The following GUCY1A2 variants were observed in gnomAD, a reference collection of about 807,000 sequenced individuals.
The protein encoded by GUCY1A2 is guanylate cyclase soluble subunit alpha-2.
GUCY1A2 carries 27 observed loss-of-function variants against 63.5 expected under a neutral mutation model. That is an observed-to-expected ratio of 0.43 (90% confidence interval 0.31 to 0.59). The LOEUF is 0.59. GUCY1A2 is among the 20% of genes least tolerant of loss of function. The pLI is 0.11. For missense variants in GUCY1A2, 768 were observed against 913.3 expected (o/e 0.84, Z 2.05); for synonymous variants, 364 against 343.5 (o/e 1.06, Z -0.66).
At chr11:106,980,607 G>T (rs1407091551) in intron 2 of GUCY1A2, among the ~76,000 whole-genome samples, 1 of 152,174 alleles carries the variant, frequency 6.6e-6, no homozygotes, top group Non-Finnish European at 1.5e-5. Context: ...GACTAGATAT[G>T]AGAGTAAAAA....
chr11:106,901,946 G>A (rs769086813), intron 4 of GUCY1A2, among the ~76,000 whole-genome samples: 1 of 152,042 alleles, frequency 6.6e-6, no homozygotes, highest in East Asian at 1.9e-4. Flanking sequence ...GCAATAACAT[G>A]TATATTTATT....
At chr11:106,914,920 T>C (rs904929159) in intron 4 of GUCY1A2, among the ~76,000 whole-genome samples, 11 of 152,040 alleles carry the variant, frequency 7.2e-5, no homozygotes, top group Admixed American at 3.3e-4. Context: ...TTTTCTTGGA[T>C]CAGACAATGC....
intron 6 of GUCY1A2, among the ~76,000 whole-genome samples, chr11:106,732,684 A>C (rs1049784894): frequency 2.6e-5 from 4 of 152,176 alleles, no homozygotes; most frequent in Non-Finnish European, 5.9e-5. Flanking sequence ...CCATTAGGAG[A>C]GCAAGAAATT....
intron 3 of GUCY1A2, among the ~76,000 whole-genome samples, chr11:106,966,497 C>T (rs72994149): frequency 0.16 from 24,253 of 152,118 alleles, 2,029 homozygotes; most frequent in African/African-American, 0.17. Context: ...TGGCTGCCCA[C>T]TTGCTGTTTT....
chr11:106,885,523 T>C lies in GUCY1A2; in HGVS notation c.1206+53937A>G, dbSNP rs537451083. Reference sequence around the variant, plus strand: ...TAGCATACATTCATTCAAATTAAAATACAAATTATTTTCTAATTATCCTCT... The same window carrying C: ...TAGCATACATTCATTCAAATTAAAACACAAATTATTTTCTAATTATCCTCT... On this transcript the variant is annotated intron_variant, in intron 4 of 7. Transcript: ENST00000526355. 2.5e-4 allele frequency among the ~76,000 whole-genome samples: 38 copies of C among 152,270 alleles called. 3 individuals are homozygous for C. The South Asian group carries it at 7.5e-3, about 30-fold the overall frequency.
At chr11:107,015,930 A>C (rs1861817166) in intron 1 of GUCY1A2, among the ~76,000 whole-genome samples, 1 of 152,208 alleles carries the variant, frequency 6.6e-6, no homozygotes, top group Non-Finnish European at 1.5e-5. Flanking sequence ...CAAATACGAA[A>C]ATACACAAGA....
chr11:106,716,819 T>C (rs931045482), intron 6 of GUCY1A2, among the ~76,000 whole-genome samples: 37 of 141,534 alleles, frequency 2.6e-4, no homozygotes, highest in African/African-American at 7.6e-4. Context: ...TCAGGAATTA[T>C]AAGAGAGCTA....
intron 4 of GUCY1A2, among the ~76,000 whole-genome samples, chr11:106,839,637 A>C (rs1859168398): frequency 6.6e-6 from 1 of 152,028 alleles, no homozygotes. Flanking sequence ...AGACTGGATT[A>C]AGAAAATGTG....
At chr11:106,955,706 C>T (rs1321689312) in intron 3 of GUCY1A2, among the ~76,000 whole-genome samples, 4 of 152,132 alleles carry the variant, frequency 2.6e-5, no homozygotes, top group African/African-American at 9.7e-5. Context: ...GTGACCTGGC[C>T]TTTCTCTCTG....
rs113885830 is a variant in GUCY1A2, at chr11:106,954,391, T to A, written c.488-14213A>T. On this transcript the variant is annotated intron_variant, in intron 3 of 7. Coordinates refer to ENST00000526355, the MANE Select transcript of GUCY1A2 (RefSeq NM_000855.3). Reference sequence around the variant, plus strand: ...GTCCAAGAAACTGTTACGATTTCAGTTCTTTTGCATTTGCTGAGGAGTATT... The same window carrying A: ...GTCCAAGAAACTGTTACGATTTCAGATCTTTTGCATTTGCTGAGGAGTATT... 4.9e-3 allele frequency among the ~76,000 whole-genome samples: 748 copies of A among 152,306 alleles called. 8 individuals are homozygous for A. Among genetic ancestry groups the A allele is most frequent in the African/African-American group, 0.017 (710 of 41,556 alleles).
chr11:106,818,322 T>A lies in GUCY1A2; in HGVS notation c.1207-7844A>T, dbSNP rs186688882. Reference sequence around the variant, plus strand: ...CAATTCTCATAATATTTCAAGCTCTTTCATTATTATATGTGTTATGGTAAC... The same window carrying A: ...CAATTCTCATAATATTTCAAGCTCTATCATTATTATATGTGTTATGGTAAC... On this transcript the variant is annotated intron_variant, in intron 4 of 7. Transcript: ENST00000526355. Among the ~76,000 whole-genome samples the A allele has an allele frequency of 1.8e-3, 267 of 152,294 alleles. 1 individual carries two copies. Among genetic ancestry groups the A allele is most frequent in the Non-Finnish European group, 2.8e-3 (191 of 68,014 alleles).
intron 6 of GUCY1A2, among the ~76,000 whole-genome samples, chr11:106,767,053 G>A (rs1339852078): frequency 6.6e-6 from 1 of 152,088 alleles, no homozygotes; most frequent in Non-Finnish European, 1.5e-5. Flanking sequence ...AAATAAAAAT[G>A]AGTGACTTTG....
At chr11:106,818,395 C>T (rs1858858796) in intron 4 of GUCY1A2, among the ~76,000 whole-genome samples, 1 of 152,084 alleles carries the variant, frequency 6.6e-6, no homozygotes, top group South Asian at 2.1e-4. Flanking sequence ...TTTTGGGGCA[C>T]CACAAACCAC....
intron 4 of GUCY1A2, among the ~76,000 whole-genome samples, chr11:106,853,021 T>G (rs193067826): frequency 4.5e-4 from 68 of 152,358 alleles, no homozygotes; most frequent in African/African-American, 1.6e-3. Context: ...GTTAGTCTGA[T>G]ATGGCTTCCC....
chr11:106,743,324 T>C (rs936288991), intron 6 of GUCY1A2, among the ~76,000 whole-genome samples: 1 of 152,176 alleles, frequency 6.6e-6, no homozygotes, highest in Admixed American at 6.5e-5. Context: ...ACAATGGTTC[T>C]AACAAAAATG....
intron 1 of GUCY1A2, among the ~76,000 whole-genome samples, chr11:106,987,511 G>A (rs1861417349): frequency 6.6e-6 from 1 of 152,124 alleles, no homozygotes; most frequent in Admixed American, 6.5e-5. Flanking sequence ...AATTAGGCGA[G>A]CATGGTGGTA....
intron 4 of GUCY1A2, among the ~76,000 whole-genome samples, chr11:106,870,301 T>TA (rs1209429415): frequency 6.6e-6 from 1 of 152,026 alleles, no homozygotes; most frequent in East Asian, 1.9e-4. Flanking sequence ...AGGTGCAACT[T>TA]AGTTTCAGCA....
At chr11:106,818,293 T>C (rs1858857206) in intron 4 of GUCY1A2, among the ~76,000 whole-genome samples, 1 of 152,198 alleles carries the variant, frequency 6.6e-6, no homozygotes, top group African/African-American at 2.4e-5. Flanking sequence ...GTGTCATATT[T>C]TGGCAATTCT....
chr11:106,946,683 A>T (rs1272765255), intron 3 of GUCY1A2, among the ~76,000 whole-genome samples: 1 of 152,204 alleles, frequency 6.6e-6, no homozygotes, highest in Non-Finnish European at 1.5e-5. Flanking sequence ...ACATAAACCA[A>T]GCAACATTGT....
Sources: allele counts gnomAD v4.1 joint callset (sites outside exome capture counted in the v4.1 genomes callset), GRCh38; gene constraint gnomAD v4.1.1; transcripts MANE v1.5; gene names NCBI Gene and HGNC (gene_info 2026-07-23, HGNC 2026-07-21).